The following STAMBP variants were observed in gnomAD, a reference collection of about 807,000 sequenced individuals.
STAMBP encodes STAM binding protein.
In STAMBP, 31 loss-of-function variants were observed where a neutral mutation model predicts 50.7. That is an observed-to-expected ratio of 0.61 (90% CI 0.46 to 0.83). The LOEUF is 0.83. Among genes scored for constraint, STAMBP ranks in the 40% least tolerant of loss-of-function variants. The pLI, the probability that STAMBP is intolerant of heterozygous loss-of-function variation, is 0.00. For synonymous variants in STAMBP, 211 were observed against 192.4 expected (o/e 1.10, Z -0.80); for missense variants, 472 against 518.9 (o/e 0.91, Z 0.88).
intron 2 of STAMBP, among the ~76,000 whole-genome samples, chr2:73,837,287 T>C (rs1224915390): frequency 6.6e-6 from 1 of 152,098 alleles, no homozygotes; most frequent in Non-Finnish European, 1.5e-5. Flanking sequence ...TCAAATGCAT[T>C]GATAAAGAAC....
At chr2:73,843,191 C>CTTTT (rs34680117) in intron 2 of STAMBP, among the ~76,000 whole-genome samples, 2 of 129,892 alleles carry the variant, frequency 1.5e-5, no homozygotes, top group African/African-American at 5.9e-5. Context: ...TTATATCTTT[C>CTTTT]TTTTTTTTTT....
At position 73,847,770 on chromosome 2, in the gene STAMBP, A is replaced by G. The variant is rs748752861; in HGVS notation, c.742+17A>G. The G allele has an allele frequency of 6.2e-7, 1 of 1,605,284 alleles. No homozygotes were observed. The highest frequency in any genetic ancestry group is 8.5e-7 in the Non-Finnish European group (1 of 1,176,468). On this transcript the variant is annotated intron_variant, in intron 5 of 9. Transcript: ENST00000394070. ...CAGAAAGTAGTAAGTGCATTTGCTGATGTCCTCTTCCTTCTCAGTTGCAGC... is the reference window on the plus strand; with the variant it reads ...CAGAAAGTAGTAAGTGCATTTGCTGGTGTCCTCTTCCTTCTCAGTTGCAGC...
rs189377720 is a variant in STAMBP at position 73,846,822 on chromosome 2, C to T, written c.376-565C>T. 1.3e-3 allele frequency among the ~76,000 whole-genome samples: 197 copies of T among 152,220 alleles called. No individual in the cohort carries two copies. The Middle Eastern group carries it at 0.014, about 11-fold the overall frequency. ...TCAGGCCAGACATTGTGGCTCACAC[C>T]TGGAATCCCAGCGCTTCGGGAGGCC... On this transcript the variant is annotated intron_variant, in intron 4 of 9. Coordinates refer to ENST00000394070, the MANE Select transcript of STAMBP (RefSeq NM_213622.4).
At position 73,864,243 on chromosome 2, in the gene STAMBP, A is replaced by G. The variant is rs890705658; in HGVS notation, c.*1984A>G. 6.6e-6 allele frequency: 1 copy of G among 152,222 alleles called. No homozygotes were observed. The highest frequency in any genetic ancestry group is 1.5e-5 in the Non-Finnish European group (1 of 68,036). 9.4% of individuals were successfully genotyped at this position (152,222 alleles called of 1,614,324 possible). On this transcript the variant is annotated 3_prime_UTR_variant, in exon 10 of 10. Transcript: ENST00000394070. ...TGAGCTCTCTTATCCGTCTCTGCCC[A>G]CCAAAGACATTCAGCCAGGTCAACA...
Position 73,865,198 on chromosome 2 carries a change from G to A in STAMBP, c.*2939G>A, listed in dbSNP as rs1678755638. 5 of 152,344 alleles carry A rather than the reference G, an allele frequency of 3.3e-5. No individual in the cohort carries two copies. The highest frequency in any genetic ancestry group is 7.3e-5 in the Non-Finnish European group (5 of 68,046). 9.4% of individuals were successfully genotyped at this position (152,344 alleles called of 1,614,324 possible). ...TTTCATATTGGGGTTGAGAAGAATGGAGGCTATTAGGAGCAAAGCTTTAAT... is the reference window on the plus strand; with the variant it reads ...TTTCATATTGGGGTTGAGAAGAATGAAGGCTATTAGGAGCAAAGCTTTAAT... On this transcript the variant is annotated 3_prime_UTR_variant, in exon 10 of 10. Transcript: ENST00000394070.
At chr2:73,867,637 A>C (rs1295702970), downstream of STAMBP, among the ~76,000 whole-genome samples, 1 of 152,220 alleles carries the variant, frequency 6.6e-6, no homozygotes, top group Non-Finnish European at 1.5e-5. Context: ...TTATTTAGAG[A>C]TGAACGATAA....
chr2:73,855,554 T>C, intron 7 of STAMBP: 3 of 455,572 alleles, frequency 6.6e-6, no homozygotes, highest in South Asian at 4.7e-5. Context: ...ACTCTAACCA[T>C]GGGATGGAAG....
At position 73,847,384 on chromosome 2, in the gene STAMBP, T is replaced by C. The variant is rs1553381817; in HGVS notation, c.376-3T>C. The stretch of plus-strand genomic sequence containing the variant: ...TGTTAGCCTAAATTTTCTCTCTTTG[T>C]AGAAGAAGGAAGCAGAGGAATTGGC... On this transcript the variant is annotated splice_polypyrimidine_tract_variant and splice_region_variant and intron_variant, in intron 4 of 9. Coordinates refer to ENST00000394070, the MANE Select transcript of STAMBP (RefSeq NM_213622.4). The C allele has an allele frequency of 2.5e-5, 40 of 1,591,432 alleles. No homozygotes were observed. In the South Asian group the frequency reaches 4.5e-4, roughly 18 times the overall value.
At chr2:73,845,127 C>T (rs772209682) in intron 3 of STAMBP, 40 bp from the exon 4 acceptor site, 2 of 1,600,186 alleles carry the variant, frequency 1.2e-6, no homozygotes, top group South Asian at 2.2e-5. Flanking sequence ...CTGTAATTTT[C>T]TGGCATTGTT....
intron 8 of STAMBP, 78 bp downstream of exon 8, chr2:73,859,444 C>G: frequency 9.0e-7 from 1 of 1,105,908 alleles, no homozygotes; most frequent in Non-Finnish European, 1.4e-6. Flanking sequence ...GGTCTCTATT[C>G]TTGTGGACTT....
intron 7 of STAMBP, among the ~76,000 whole-genome samples, chr2:73,858,873 T>TA (rs1184622255): frequency 2.0e-5 from 3 of 152,202 alleles, no homozygotes; most frequent in African/African-American, 7.2e-5. Flanking sequence ...GACTTGGTTG[T>TA]ATGTCAGAGT....
intron 2 of STAMBP, among the ~76,000 whole-genome samples, chr2:73,839,278 A>G (rs1277071449): frequency 6.6e-6 from 1 of 152,236 alleles, no homozygotes; most frequent in Non-Finnish European, 1.5e-5. Flanking sequence ...GAAAGAGTTC[A>G]GCATATTAAA....
intron 4 of STAMBP, among the ~76,000 whole-genome samples, chr2:73,845,895 G>C (rs933656488): frequency 6.6e-6 from 1 of 152,218 alleles, no homozygotes; most frequent in Admixed American, 6.5e-5. Flanking sequence ...GCCTTCCAAA[G>C]TGCTGGGATT....
rs755763262 is a variant in STAMBP, at chr2:73,828,976, G to C, written c.-547G>C. ...CGGATGTGACGTTTCCGGAACCTCC[G>C]GGTGTCATCCGCGGGGAAAGGTGGG... On this transcript the variant is annotated 5_prime_UTR_variant, in exon 1 of 10. Transcript: ENST00000394070. The C allele has an allele frequency of 6.6e-6, 1 of 152,328 alleles. No homozygotes were observed. Among genetic ancestry groups the C allele is most frequent in the South Asian group, 2.1e-4 (1 of 4,844 alleles). The allele number at this position is 152,328 out of a possible 1,614,324, so 9.4% of individuals were successfully genotyped here. A position where few individuals can be genotyped will look rare whatever the true frequency, so the allele number is the denominator to read the frequency against.
intron 7 of STAMBP, among the ~76,000 whole-genome samples, chr2:73,857,272 C>T (rs1406039957): frequency 6.6e-6 from 1 of 152,200 alleles, no homozygotes; most frequent in African/African-American, 2.4e-5. Flanking sequence ...TCTGCGCCTA[C>T]AGTCCTTCAT....
chr2:73,860,259 C>A, intron 9 of STAMBP, 108 bp downstream of exon 9: 2 of 890,088 alleles, frequency 2.2e-6, no homozygotes, highest in Non-Finnish European at 3.5e-6. Context: ...CCAGCTTTGT[C>A]ACTTACCTTG....
intron 2 of STAMBP, chr2:73,844,562 T>G: frequency 3.7e-6 from 1 of 269,828 alleles, no homozygotes; most frequent in Non-Finnish European, 6.9e-6. Context: ...TTTAAAATTT[T>G]TTTGGCCATC....
In STAMBP at chr2:73,830,967, C is replaced by A; in HGVS notation, c.111C>A (p.Phe37Leu). The A allele has an allele frequency of 1.2e-6, 2 of 1,614,190 alleles. No individual in the cohort carries two copies. Among genetic ancestry groups the A allele is most frequent in the Non-Finnish European group, 1.7e-6 (2 of 1,180,026 alleles). Reference sequence around the variant, plus strand: ...AAGACATTCCACCCCGTCGGTACTTCCGCTCTGGAGTTGAGATTATCCGAA... The same window carrying A: ...AAGACATTCCACCCCGTCGGTACTTACGCTCTGGAGTTGAGATTATCCGAA... Reference protein sequence around the residue: ...VNEDIPPRRYFRSGVEIIRMA... With the variant: ...VNEDIPPRRYLRSGVEIIRMA... The change falls in exon 2 of 10, where the codon TTC becomes TTA. Residue 37 changes from phenylalanine (F) to leucine (L), a missense_variant. By Grantham distance (22) the Phe-to-Leu change is conservative. Coordinates refer to ENST00000394070, the MANE Select transcript of STAMBP (RefSeq NM_213622.4).
intron 7 of STAMBP, among the ~76,000 whole-genome samples, chr2:73,853,503 C>T (rs1677127500): frequency 6.6e-6 from 1 of 152,152 alleles, no homozygotes; most frequent in African/African-American, 2.4e-5. Context: ...GCGGGCAGAT[C>T]ACGAGGTCAG....
Sources: gnomAD v4.1 joint callset for allele counts (sites outside exome capture counted in the v4.1 genomes callset) on GRCh38, gnomAD v4.1.1 for gene constraint, MANE v1.5 for transcripts, NCBI Gene and HGNC (gene_info 2026-07-23, HGNC 2026-07-21) for gene names.